The following TRIM4 variants were observed in gnomAD, a reference collection of about 807,000 sequenced individuals.
The protein encoded by TRIM4 is E3 ubiquitin-protein ligase TRIM4.
Under a neutral mutation model 33.7 loss-of-function variants are expected in TRIM4, and 29 were observed. The ratio of observed to expected loss-of-function variants is 0.86; its 90% CI spans 0.64 to 1.17. The LOEUF (loss-of-function observed/expected upper bound fraction) is 1.17. Ranked by LOEUF, TRIM4 falls within the 50% of genes most tolerant of loss-of-function variation. TRIM4 has a pLI of 0.00. For synonymous variants in TRIM4, 224 were observed against 233.0 expected, an observed-to-expected ratio of 0.96 and a Z score of 0.35; for missense variants, 554 against 593.7, an observed-to-expected ratio of 0.93 and a Z score of 0.69.
intron 2 of TRIM4, 28 bp downstream of exon 2, chr7:99,909,537 A>T (rs1358269319): frequency 6.2e-7 from 1 of 1,604,012 alleles, no homozygotes; most frequent in East Asian, 2.2e-5. Context: ...CTCAGGAGCA[A>T]GAAATATCCA....
chr7:99,910,760 A>C (rs1819422419), intron 1 of TRIM4, among the ~76,000 whole-genome samples: 1 of 152,208 alleles, frequency 6.6e-6, no homozygotes, highest in Admixed American at 6.5e-5. Flanking sequence ...GTAATTTAAA[A>C]ACCCGAGTAA....
At chr7:99,892,848 C>A in intron 5 of TRIM4, 102 bp from the exon 6 acceptor site, 1 of 1,048,166 alleles carries the variant, frequency 9.5e-7, no homozygotes, top group South Asian at 1.6e-5. Flanking sequence ...CTCCTCCTAA[C>A]AAACACTCAT....
At chr7:99,893,191 C>T (rs1469679308) in intron 5 of TRIM4, among the ~76,000 whole-genome samples, 1 of 152,148 alleles carries the variant, frequency 6.6e-6, no homozygotes, top group Non-Finnish European at 1.5e-5. Context: ...CACTTAAACC[C>T]AGAAGGCGGA....
At chr7:99,902,117 T>C (rs1319203363) in intron 5 of TRIM4, 2 of 765,314 alleles carry the variant, frequency 2.6e-6, no homozygotes, top group Non-Finnish European at 4.8e-6. Context: ...TCTGGTGCTT[T>C]GAAAACGGTT....
At chr7:99,907,164 C>T (rs1259627216) in intron 3 of TRIM4, among the ~76,000 whole-genome samples, 1 of 152,172 alleles carries the variant, frequency 6.6e-6, no homozygotes, top group Non-Finnish European at 1.5e-5. Context: ...GTCGCCCAGG[C>T]TGGAGTGCAG....
At position 99,919,205 on chromosome 7, in the gene TRIM4, G is replaced by A. The variant is rs777662129; in HGVS notation, c.197C>T (p.Ala66Val). Reference protein sequence around the residue: ...SAPAALRPNWALARLTEKTQR... With the variant: ...SAPAALRPNWVLARLTEKTQR... ...CGTCTTCTCAGTCAGCCTGGCCAGG[G>A]CCCAGTTGGGTCGCAGCGCGGCGGG... Residue 66 changes from alanine (A) to valine (V), a missense_variant, in exon 1 of 6, where the codon GCC (alanine) becomes GTC (valine). Around this residue, in one of 3 missense-constraint regions of TRIM4, gnomAD observed 233 missense variants for 203.1 expected, o/e 1.15. Transcript: ENST00000349062. 31 of 1,512,092 alleles carry A rather than the reference G, an allele frequency of 2.1e-5. No individual in the cohort carries two copies. Among genetic ancestry groups the A allele is most frequent in the Non-Finnish European group, 2.6e-5 (29 of 1,131,156 alleles). The allele number at this position is 1,512,092 out of a possible 1,614,324, so 93.7% of individuals were successfully genotyped here.
At chr7:99,900,753 T>C (rs924664921) in intron 5 of TRIM4, among the ~76,000 whole-genome samples, 2 of 152,214 alleles carry the variant, frequency 1.3e-5, no homozygotes, top group African/African-American at 4.8e-5. Flanking sequence ...TTTTTTTCTT[T>C]CAGGACTTTA....
intron 3 of TRIM4, among the ~76,000 whole-genome samples, chr7:99,908,004 G>C (rs1195435368): frequency 6.6e-6 from 1 of 152,102 alleles, no homozygotes; most frequent in Admixed American, 6.5e-5. Flanking sequence ...AGGATATAAA[G>C]GTAAAGATTA....
intron 3 of TRIM4, among the ~76,000 whole-genome samples, chr7:99,906,010 T>A (rs766484231): frequency 6.6e-6 from 1 of 152,066 alleles, no homozygotes; most frequent in Non-Finnish European, 1.5e-5. Flanking sequence ...CCAGGTGTGG[T>A]GGCACACGCC....
rs1181534062 is a variant in TRIM4 at position 99,919,527 on chromosome 7, A to G, written c.-126T>C. 3.6e-6 allele frequency: 4 copies of G among 1,126,542 alleles called. No homozygotes were observed. Among genetic ancestry groups the G allele is most frequent in the African/African-American group, 1.7e-5 (1 of 59,836 alleles). 69.8% of individuals were successfully genotyped at this position (1,126,542 alleles called of 1,614,324 possible). A position where few individuals can be genotyped will look rare whatever the true frequency, so the allele number is the denominator to read the frequency against. On this transcript the variant is annotated 5_prime_UTR_variant, in exon 1 of 6. Transcript: ENST00000349062. ...TCACCGCCTCACGTAAAAGGGTACA[A>G]CGCAGTTTCTCTTCCGGGGTTCAGG... is the stretch of plus-strand genomic sequence containing the variant.
At chr7:99,903,678 T>G (rs1819229293) in intron 3 of TRIM4, 80 bp from the exon 4 acceptor site, 1 of 1,546,852 alleles carries the variant, frequency 6.5e-7, no homozygotes, top group Admixed American at 1.7e-5. Flanking sequence ...GCAGGTATTT[T>G]CTGACGGTTG....
intron 1 of TRIM4, among the ~76,000 whole-genome samples, chr7:99,911,799 A>G (rs968121908): frequency 1.9e-4 from 29 of 152,228 alleles, no homozygotes; most frequent in Non-Finnish European, 8.8e-5. Flanking sequence ...ACCCTGGAAA[A>G]ATGAAAACAT....
intron 1 of TRIM4, 41 bp from the exon 2 acceptor site, chr7:99,909,701 A>C: frequency 2.9e-6 from 4 of 1,367,872 alleles, no homozygotes; most frequent in Non-Finnish European, 4.1e-6. Flanking sequence ...ACACATCTCC[A>C]ACCATCATCA....
Position 99,899,806 on chromosome 7 carries a change from CTTTT to C in TRIM4, c.841+3408_841+3411del, listed in dbSNP as rs778194773. On this transcript the variant is annotated intron_variant, in intron 5 of 5. Transcript: ENST00000349062. ...TGCACCTGTGAGTTTTCTGGGTTTT[CTTTT>C]GAGATGGGGTCTCGCTGTTGCCCAT... Among the ~76,000 whole-genome samples the C allele has an allele frequency of 3.9e-5, 6 of 152,124 alleles. No individual in the cohort carries two copies. The East Asian group carries it at 1.2e-3, about 29-fold the overall frequency.
chr7:99,897,326 G>A (rs1392802636), intron 5 of TRIM4, among the ~76,000 whole-genome samples: 1 of 152,164 alleles, frequency 6.6e-6, no homozygotes, highest in East Asian at 1.9e-4. Flanking sequence ...GGATTATACC[G>A]CTGTGGAAAT....
chr7:99,916,731 T>C (rs760162721), intron 1 of TRIM4: 1 of 781,064 alleles, frequency 1.3e-6, no homozygotes, highest in Non-Finnish European at 2.4e-6. Context: ...AAGAGCAGCC[T>C]AATTAGTCTT....
rs1374806358 is a variant in TRIM4 at position 99,892,155 on chromosome 7, G to T, written c.*8C>A. On this transcript the variant is annotated 3_prime_UTR_variant, in exon 6 of 6. Coordinates refer to ENST00000349062, the MANE Select transcript of TRIM4 (RefSeq NM_033091.3). ...AGGGAAGGAGTTTTGGTCAGGGGAA[G>T]AAAAGCCTCATTTCCTATCAGTCAC... 6.3e-7 allele frequency: 1 copy of T among 1,593,122 alleles called. No individual in the cohort carries two copies. The highest frequency in any genetic ancestry group is 1.1e-5 in the South Asian group (1 of 87,126).
intron 1 of TRIM4, among the ~76,000 whole-genome samples, chr7:99,909,897 A>C (rs993558393): frequency 6.6e-6 from 1 of 151,654 alleles, no homozygotes; most frequent in Non-Finnish European, 1.5e-5. Context: ...AGGTCCAACT[A>C]ATTTTTTTAT....
At position 99,891,976 on chromosome 7, in the gene TRIM4, C is replaced by A. The variant is rs533892832; in HGVS notation, c.*187G>T. Reference sequence around the variant, plus strand: ...AAATTTCCTGTCCCATCTCCATTGGCCAGACCCACCTCCCATGGGACTGCC... The same window carrying A: ...AAATTTCCTGTCCCATCTCCATTGGACAGACCCACCTCCCATGGGACTGCC... On this transcript the variant is annotated 3_prime_UTR_variant, in exon 6 of 6. Coordinates refer to ENST00000349062, the MANE Select transcript of TRIM4 (RefSeq NM_033091.3). 8.7e-6 allele frequency: 5 copies of A among 575,218 alleles called. No homozygotes were observed. The highest frequency in any genetic ancestry group is 1.5e-5 in the Non-Finnish European group (5 of 335,210). The allele number at this position is 575,218 out of a possible 1,614,324, so 35.6% of individuals were successfully genotyped here. A position where few individuals can be genotyped will look rare whatever the true frequency, so the allele number is the denominator to read the frequency against.
Sources: allele counts gnomAD v4.1 joint callset (sites outside exome capture counted in the v4.1 genomes callset), GRCh38; gene constraint gnomAD v4.1.1; regional missense constraint gnomAD v4.1.1; transcripts MANE v1.5; gene names NCBI Gene and HGNC (gene_info 2026-07-23, HGNC 2026-07-21).